The following PAQR3 variants were observed in gnomAD, a reference collection of about 807,000 sequenced individuals.
PAQR3 encodes the protein progestin and adipoQ receptor family member 3.
In PAQR3, 39 loss-of-function variants were observed where a neutral mutation model predicts 41.7. That is an observed-to-expected ratio of 0.93 (90% confidence interval 0.72 to 1.22). The LOEUF (loss-of-function observed/expected upper bound fraction) is 1.22. Among genes scored for constraint, PAQR3 ranks in the 50% most tolerant of loss-of-function variants. PAQR3 has a pLI of 0.00. For synonymous variants in PAQR3, 140 were observed against 140.6 expected, an observed-to-expected ratio of 1.00 and a Z score of 0.03; for missense variants, 366 against 385.6, an observed-to-expected ratio of 0.95 and a Z score of 0.42.
At position 78,917,728 on chromosome 4, in the gene PAQR3, T is replaced by G. The variant is rs1735219771; in HGVS notation, c.*2811A>C. 1.2e-6 allele frequency: 1 copy of G among 861,654 alleles called. No homozygotes were observed. The highest frequency in any genetic ancestry group is 1.4e-6 in the Non-Finnish European group (1 of 717,402). 53.4% of individuals were successfully genotyped at this position (861,654 alleles called of 1,614,324 possible). On this transcript the variant is annotated 3_prime_UTR_variant, in exon 6 of 6. Coordinates refer to ENST00000512733, the MANE Select transcript of PAQR3 (RefSeq NM_001040202.2). The stretch of plus-strand genomic sequence containing the variant: ...AGGAATAGGCTTTGCCCCTTGACAT[T>G]TAATACAGGGCAAAGTATTATCTAG...
In PAQR3 at chr4:78,920,676, G is replaced by A. The variant is rs1372761071; in HGVS notation, c.799C>T (p.Leu267=). Residue 267 remains leucine (L), a synonymous_variant, in exon 6 of 6, where the codon CTA becomes TTA. Coordinates refer to ENST00000512733, the MANE Select transcript of PAQR3 (RefSeq NM_001040202.2). Reference sequence around the variant, plus strand: ...TGGTGGCTTGATCCGAGGTAGTTTAGTTGTCCTGGAAAGAAGGTAGAAAGA... The same window carrying A: ...TGGTGGCTTGATCCGAGGTAGTTTAATTGTCCTGGAAAGAAGGTAGAAAGA... ...KVPERYFPGQ[L]NYLGSSHQIW... 6.2e-7 allele frequency: 1 copy of A among 1,603,150 alleles called. No individual in the cohort carries two copies. The highest frequency in any genetic ancestry group is 1.7e-5 in the Admixed American group (1 of 58,700).
rs774136302 is a variant in PAQR3 at position 78,916,107 on chromosome 4, A to G, written c.*4432T>C. On this transcript the variant is annotated 3_prime_UTR_variant, in exon 6 of 6. Transcript: ENST00000512733. ...ACTTGCTAAAGTAACTTCAGTCCTC[A>G]AATATAGCTGGGAAACAATTATGAG... 6.6e-6 allele frequency: 1 copy of G among 151,910 alleles called. No individual in the cohort carries two copies. The highest frequency in any genetic ancestry group is 1.5e-5 in the Non-Finnish European group (1 of 67,844). The allele number at this position is 151,910 out of a possible 1,614,324, so 9.4% of individuals were successfully genotyped here. A position where few individuals can be genotyped will look rare whatever the true frequency, so the allele number is the denominator to read the frequency against.
chr4:78,935,768 A>G (rs1208966177), intron 1 of PAQR3, among the ~76,000 whole-genome samples: 2 of 152,232 alleles, frequency 1.3e-5, no homozygotes, highest in African/African-American at 4.8e-5. Flanking sequence ...ATCTTAAAAT[A>G]CTTTCCTAGA....
At chr4:78,888,305 T>C (rs1733214051) in intron 11 of PAQR3, among the ~76,000 whole-genome samples, 1 of 152,228 alleles carries the variant, frequency 6.6e-6, no homozygotes, top group African/African-American at 2.4e-5. Flanking sequence ...CATAGCTTAC[T>C]GTGTCTGTTT....
At chr4:78,902,747 A>G (rs1341890461) in intron 11 of PAQR3, among the ~76,000 whole-genome samples, 1 of 152,188 alleles carries the variant, frequency 6.6e-6, no homozygotes, top group African/African-American at 2.4e-5. Context: ...ACTGCCCTCT[A>G]AAAGGAAAAG....
rs1460955758 is a variant in PAQR3 at position 78,930,256 on chromosome 4, A to G, written c.418T>C (p.Trp140Arg). 2.5e-6 allele frequency: 4 copies of G among 1,613,774 alleles called. No homozygotes were observed. The highest frequency in any genetic ancestry group is 2.2e-5 in the East Asian group (1 of 44,872). ...ATTCCTGCATAATCTAATGCCATCC[A>G]TCTTCGACATGTTTTTTCTGACCGA... Reference protein sequence around the residue: ...CHRSEKTCRRWMALDYAGISI... With the variant: ...CHRSEKTCRRRMALDYAGISI... Residue 140 changes from tryptophan to arginine, a missense_variant, in exon 3 of 6, where the codon TGG (tryptophan) becomes CGG (arginine). Physicochemically the swap from Trp to Arg is moderately radical, Grantham distance 101. Coordinates refer to ENST00000512733, the MANE Select transcript of PAQR3 (RefSeq NM_001040202.2).
chr4:78,921,961 T>G (rs867296050), intron 5 of PAQR3: 1 of 984,248 alleles, frequency 1.0e-6, no homozygotes, highest in Non-Finnish European at 1.2e-6. Context: ...TGATTGTTTA[T>G]ATATGTCCTA....
At chr4:78,938,525 A>G (rs1467398651) in intron 1 of PAQR3, among the ~76,000 whole-genome samples, 2 of 152,104 alleles carry the variant, frequency 1.3e-5, no homozygotes, top group Non-Finnish European at 2.9e-5. Context: ...CCCAGGCTAC[A>G]CCTTAGTAGC....
intron 11 of PAQR3, among the ~76,000 whole-genome samples, chr4:78,900,932 G>C (rs1733968099): frequency 6.6e-6 from 1 of 151,064 alleles, no homozygotes; most frequent in South Asian, 2.1e-4. Context: ...TTATAAAACT[G>C]ATGTTAGTAG....
At chr4:78,928,638 T>C (rs1346907994) in intron 3 of PAQR3, among the ~76,000 whole-genome samples, 2 of 152,200 alleles carry the variant, frequency 1.3e-5, no homozygotes, top group African/African-American at 4.8e-5. Context: ...CTGGGGACTG[T>C]GCCTTAGAGC....
At chr4:78,911,250 G>C (rs762795615), downstream of PAQR3, 1 of 1,613,852 alleles carries the variant, frequency 6.2e-7, no homozygotes, top group Admixed American at 1.7e-5. Flanking sequence ...TCACAAAGGC[G>C]CCTTTTAGCA....
At position 78,919,120 on chromosome 4, in the gene PAQR3, T is replaced by C; in HGVS notation, c.*1419A>G. 1.0e-6 allele frequency: 1 copy of C among 985,018 alleles called. No homozygotes were observed. The highest frequency in any genetic ancestry group is 1.7e-5 in the African/African-American group (1 of 57,296). The allele number at this position is 985,018 out of a possible 1,614,324, so 61.0% of individuals were successfully genotyped here. The stretch of plus-strand genomic sequence containing the variant: ...AGAAACACAACATTTTACTGATGTA[T>C]TAACTGAGGCACATTAGTGACTTTC... On this transcript the variant is annotated 3_prime_UTR_variant, in exon 6 of 6. Coordinates refer to ENST00000512733, the MANE Select transcript of PAQR3 (RefSeq NM_001040202.2).
chr4:78,904,641 A>C (rs1734198083), intron 11 of PAQR3, among the ~76,000 whole-genome samples: 1 of 151,976 alleles, frequency 6.6e-6, no homozygotes, highest in African/African-American at 2.4e-5. Flanking sequence ...CTCAACCTCA[A>C]AAGATGGGGA....
At chr4:78,911,498 G>A (rs754612839), downstream of PAQR3, 31 of 1,613,896 alleles carry the variant, frequency 1.9e-5, no homozygotes, top group African/African-American at 3.7e-4. Flanking sequence ...CGCCAAAGGC[G>A]CACAAAGCAG....
rs112293873 is a variant in PAQR3 at position 78,927,557 on chromosome 4, GGCTGT to G, written c.505-844_505-840del. ...TAAGCTTAAGTCTTAATGGCTGACT[GGCTGT>G]GTGAGAGGGCAGTAGAGGAAAGCCT... On this transcript the variant is annotated intron_variant, in intron 3 of 5. Transcript: ENST00000512733. 1.6e-4 allele frequency among the ~76,000 whole-genome samples: 25 copies of G among 152,360 alleles called. 1 individual carries two copies. The highest frequency in any genetic ancestry group is 5.8e-4 in the African/African-American group (24 of 41,578).
chr4:78,930,409 G>A (rs1736735849), intron 2 of PAQR3, 84 bp from the exon 3 acceptor site: 6 of 1,384,700 alleles, frequency 4.3e-6, no homozygotes, highest in African/African-American at 1.5e-5. Context: ...TAGTTAAGAG[G>A]CTAGGCTTTC....
chr4:78,932,970 G>A (rs1413084195), intron 2 of PAQR3: 1 of 334,304 alleles, frequency 3.0e-6, no homozygotes, highest in Non-Finnish European at 6.0e-6. Context: ...CATTCACATC[G>A]AAACTCCTTG....
chr4:78,917,959 A>G lies in PAQR3; in HGVS notation c.*2580T>C. On this transcript the variant is annotated 3_prime_UTR_variant, in exon 6 of 6. Transcript: ENST00000512733. ...TAAAAATATTTAGTAAACCCAGTTTATTTACATAATACATATTTTGTCATG... is the reference window on the plus strand; with the variant it reads ...TAAAAATATTTAGTAAACCCAGTTTGTTTACATAATACATATTTTGTCATG... 1.0e-6 allele frequency: 1 copy of G among 984,196 alleles called. No individual in the cohort carries two copies. The highest frequency in any genetic ancestry group is 1.2e-6 in the Non-Finnish European group (1 of 828,494). The allele number at this position is 984,196 out of a possible 1,614,324, so 61.0% of individuals were successfully genotyped here. A position where few individuals can be genotyped will look rare whatever the true frequency, so the allele number is the denominator to read the frequency against.
In PAQR3 at chr4:78,916,690, T is replaced by C. The variant is rs1735109108; in HGVS notation, c.*3849A>G. ...TGTGTAGTGCCTTCTGAATAACTTATTTTACAGCTTCCACATTATAAATTT... is the reference window on the plus strand; with the variant it reads ...TGTGTAGTGCCTTCTGAATAACTTACTTTACAGCTTCCACATTATAAATTT... On this transcript the variant is annotated 3_prime_UTR_variant, in exon 6 of 6. Transcript: ENST00000512733. 6.6e-6 allele frequency: 1 copy of C among 151,926 alleles called. No individual in the cohort carries two copies. The highest frequency in any genetic ancestry group is 6.6e-5 in the Admixed American group (1 of 15,204). The allele number at this position is 151,926 out of a possible 1,614,324, so 9.4% of individuals were successfully genotyped here.
Sources: allele counts gnomAD v4.1 joint callset (sites outside exome capture counted in the v4.1 genomes callset), GRCh38; gene constraint gnomAD v4.1.1; transcripts MANE v1.5; gene names NCBI Gene and HGNC (gene_info 2026-07-23, HGNC 2026-07-21).